RBMS2: variants seen among roughly 807,000 people sequenced by gnomAD.
The protein encoded by RBMS2 is RNA binding motif single stranded interacting protein 2.
RBMS2 carries 38 observed loss-of-function variants against 58.4 expected under a neutral mutation model. The observed-to-expected ratio is 0.65, with a 90% CI of 0.50 to 0.85. RBMS2 has a LOEUF of 0.85. Ranked by LOEUF, RBMS2 falls within the 40% of genes least tolerant of loss-of-function variation. The pLI is 0.00. For missense variants in RBMS2, 367 were observed against 503.7 expected (o/e 0.73, Z 2.60); for synonymous variants, 151 against 180.7 (o/e 0.84, Z 1.32).
intron 1 of RBMS2, among the ~76,000 whole-genome samples, chr12:56,554,395 A>G (rs894295279): frequency 6.6e-6 from 1 of 152,226 alleles, no homozygotes; most frequent in African/African-American, 2.4e-5. Flanking sequence ...ACCATGGAAT[A>G]CTATGTGGCC....
In RBMS2 at chr12:56,589,334, G is replaced by C; in HGVS notation, c.*201G>C. 2.4e-6 allele frequency: 3 copies of C among 1,259,184 alleles called. No homozygotes were observed. The highest frequency in any genetic ancestry group is 3.1e-6 in the Non-Finnish European group (3 of 980,792). The allele number at this position is 1,259,184 out of a possible 1,614,324, so 78.0% of individuals were successfully genotyped here. A position where few individuals can be genotyped will look rare whatever the true frequency, so the allele number is the denominator to read the frequency against. On this transcript the variant is annotated 3_prime_UTR_variant, in exon 14 of 14. Transcript: ENST00000262031. ...CCTGCCCTTTACTATTGCTGATGGA[G>C]CCTGGGGGAACCATCACTTTTTTTG...
intron 1 of RBMS2, among the ~76,000 whole-genome samples, chr12:56,542,832 G>A (rs1337576046): frequency 6.6e-6 from 1 of 151,590 alleles, no homozygotes; most frequent in African/African-American, 2.4e-5. Flanking sequence ...TTATAGCCGT[G>A]AGCCACCATA....
At chr12:56,588,635 G>A (rs925710018) in intron 12 of RBMS2, 1 of 585,392 alleles carries the variant, frequency 1.7e-6, no homozygotes, top group Non-Finnish European at 3.0e-6. Flanking sequence ...AAAAACAACA[G>A]CAGATGTAGG....
rs1419578696 is a variant in RBMS2 at position 56,595,559 on chromosome 12, T to C, written c.*6426T>C. 3 of 150,552 alleles carry C rather than the reference T, an allele frequency of 2.0e-5. No homozygotes were observed. The Admixed American group carries it at 2.0e-4, about 10-fold the overall frequency. The allele number at this position is 150,552 out of a possible 1,614,324, so 9.3% of individuals were successfully genotyped here. ...AACTTGGTAGAGGTCCATTTTGTCTTACTTCACACTTTTTTTTTTTTAAAT... is the reference window on the plus strand; with the variant it reads ...AACTTGGTAGAGGTCCATTTTGTCTCACTTCACACTTTTTTTTTTTTAAAT... On this transcript the variant is annotated 3_prime_UTR_variant, in exon 14 of 14. Coordinates refer to ENST00000262031, the MANE Select transcript of RBMS2 (RefSeq NM_002898.4).
rs566815766 is a variant in RBMS2 at position 56,578,248 on chromosome 12, C to T, written c.543-2936C>T. Among the ~76,000 whole-genome samples, 4 of 152,202 alleles carry T rather than the reference C, an allele frequency of 2.6e-5. No individual in the cohort carries two copies. In the East Asian group the frequency reaches 5.8e-4, roughly 22 times the overall value. ...GGTTCAGGCGATTCTTGTGCCTCAG[C>T]CTCCCAAGTAGCTGGGATTACAGGT... On this transcript the variant is annotated intron_variant, in intron 5 of 13. Coordinates refer to ENST00000262031, the MANE Select transcript of RBMS2 (RefSeq NM_002898.4).
chr12:56,549,825 CG>C (rs1877910094), intron 1 of RBMS2, among the ~76,000 whole-genome samples: 1 of 151,642 alleles, frequency 6.6e-6, no homozygotes, highest in Non-Finnish European at 1.5e-5. Flanking sequence ...GTCAGGAGTT[CG>C]AGACCATCCT....
At chr12:56,534,653 A>T (rs1034851363) in intron 1 of RBMS2, among the ~76,000 whole-genome samples, 10 of 151,990 alleles carry the variant, frequency 6.6e-5, no homozygotes, top group African/African-American at 1.2e-4. Flanking sequence ...TTATTTATTT[A>T]TTTTTTATGA....
At chr12:56,549,297 A>G (rs1314848303) in intron 1 of RBMS2, among the ~76,000 whole-genome samples, 1 of 151,874 alleles carries the variant, frequency 6.6e-6, no homozygotes, top group Non-Finnish European at 1.5e-5. Context: ...GCCGGGCCAG[A>G]AATACAGCTT....
chr12:56,537,660 G>T (rs1430621374), intron 1 of RBMS2, among the ~76,000 whole-genome samples: 1 of 152,176 alleles, frequency 6.6e-6, no homozygotes, highest in Non-Finnish European at 1.5e-5. Flanking sequence ...GAACTTGAGT[G>T]TACAAATACA....
chr12:56,590,994 T>TTA lies in RBMS2; in HGVS notation c.*1862_*1863dup, dbSNP rs1338571881. ...TTTAAAAAAGCCTATGTCTTGGTCT[T>TTA]TAACTGTCCCCTTCTGCAAGATGTG... On this transcript the variant is annotated 3_prime_UTR_variant, in exon 14 of 14. Coordinates refer to ENST00000262031, the MANE Select transcript of RBMS2 (RefSeq NM_002898.4). The TTA allele has an allele frequency of 4.6e-5, 7 of 152,222 alleles. No homozygotes were observed. The highest frequency in any genetic ancestry group is 1.7e-4 in the African/African-American group (7 of 41,450). The allele number at this position is 152,222 out of a possible 1,614,324, so 9.4% of individuals were successfully genotyped here. A position where few individuals can be genotyped will look rare whatever the true frequency, so the allele number is the denominator to read the frequency against.
At chr12:56,579,067 C>G (rs951898371) in intron 5 of RBMS2, among the ~76,000 whole-genome samples, 2 of 152,132 alleles carry the variant, frequency 1.3e-5, no homozygotes, top group Non-Finnish European at 2.9e-5. Flanking sequence ...GCTAAAGTCC[C>G]CCAACTTTGT....
chr12:56,542,771 A>G (rs908359367), intron 1 of RBMS2, among the ~76,000 whole-genome samples: 1 of 151,796 alleles, frequency 6.6e-6, no homozygotes, highest in African/African-American at 2.4e-5. Flanking sequence ...GATGGTCTCA[A>G]ACTCCTGGGC....
chr12:56,530,332 G>A (rs813497), intron 1 of RBMS2, among the ~76,000 whole-genome samples: 18,164 of 140,330 alleles, frequency 0.13, 1,405 homozygotes, highest in Middle Eastern at 0.21. Context: ...GTGCTGTCAA[G>A]AGAGAATTTT....
At chr12:56,542,611 C>G (rs144280120) in intron 1 of RBMS2, among the ~76,000 whole-genome samples, 1 of 148,358 alleles carries the variant, frequency 6.7e-6, no homozygotes, top group Non-Finnish European at 1.5e-5. Context: ...TGCAGTGGCC[C>G]GATCTTGGCT....
chr12:56,571,596 C>G (rs193293559), intron 4 of RBMS2, 102 bp from the exon 5 acceptor site: 1 of 1,265,140 alleles, frequency 7.9e-7, no homozygotes, highest in Non-Finnish European at 1.1e-6. Flanking sequence ...TATGTGGGAC[C>G]CTTCCTATAG....
intron 1 of RBMS2, among the ~76,000 whole-genome samples, chr12:56,534,943 A>G (rs1874484635): frequency 6.6e-6 from 1 of 152,238 alleles, no homozygotes; most frequent in South Asian, 2.1e-4. Context: ...GCCCAGCCCC[A>G]GTAAATGTTT....
chr12:56,589,375 G>A lies in RBMS2; in HGVS notation c.*242G>A, dbSNP rs1263112283. The A allele has an allele frequency of 9.2e-7, 1 of 1,088,846 alleles. No individual in the cohort carries two copies. Among genetic ancestry groups the A allele is most frequent in the Non-Finnish European group, 1.2e-6 (1 of 867,010 alleles). The allele number at this position is 1,088,846 out of a possible 1,614,324, so 67.4% of individuals were successfully genotyped here. ...ACTTTTTTTGTGTGCTACATTCAAG[G>A]AGATCAAAAAAACTTTTCTTCTTTT... On this transcript the variant is annotated 3_prime_UTR_variant, in exon 14 of 14. Transcript: ENST00000262031.
In RBMS2 at chr12:56,595,905, A is replaced by AGAT. The variant is rs1488541734; in HGVS notation, c.*6775_*6777dup. 3 of 70,464 alleles carry AGAT rather than the reference A, an allele frequency of 4.3e-5. No individual in the cohort carries two copies. The highest frequency in any genetic ancestry group is 3.0e-4 in the East Asian group (1 of 3,326). The allele number at this position is 70,464 out of a possible 1,614,324, so 4.4% of individuals were successfully genotyped here. A position where few individuals can be genotyped will look rare whatever the true frequency, so the allele number is the denominator to read the frequency against. ...CTCCCCCTCAGGTGTGTAGAAGGGA[A>AGAT]GATGAATACACAGAGTCTTTTGAAT... On this transcript the variant is annotated 3_prime_UTR_variant, in exon 14 of 14. Coordinates refer to ENST00000262031, the MANE Select transcript of RBMS2 (RefSeq NM_002898.4).
chr12:56,580,695 C>T (rs901832077), intron 5 of RBMS2, among the ~76,000 whole-genome samples: 3 of 152,150 alleles, frequency 2.0e-5, no homozygotes, highest in Non-Finnish European at 4.4e-5. Context: ...TGAACTCTTT[C>T]TTATTGCTTT....
Sources: gnomAD v4.1 joint callset for allele counts (sites outside exome capture counted in the v4.1 genomes callset) on GRCh38, gnomAD v4.1.1 for gene constraint, MANE v1.5 for transcripts, NCBI Gene and HGNC (gene_info 2026-07-23, HGNC 2026-07-21) for gene names.